Variants in SGPP2 observed in about 807,000 individuals in gnomAD.
SGPP2 encodes the protein sphingosine 1-phosphate phosphohydrolase 2.
Under a neutral mutation model 33.9 loss-of-function variants are expected in SGPP2, and 30 were observed. That is an observed-to-expected ratio of 0.89 (90% CI 0.66 to 1.20). The LOEUF is 1.20. Among genes scored for constraint, SGPP2 ranks in the 50% most tolerant of loss-of-function variants. SGPP2 has a pLI of 0.00. For missense variants in SGPP2, 458 were observed against 532.1 expected (o/e 0.86, Z 1.37); for synonymous variants, 233 against 225.0 (o/e 1.04, Z -0.32).
At chr2:222,510,331 A>G (rs1414374052) in intron 2 of SGPP2, among the ~76,000 whole-genome samples, 2 of 152,228 alleles carry the variant, frequency 1.3e-5, no homozygotes, top group African/African-American at 4.8e-5. Flanking sequence ...GCATTTGGAT[A>G]AATTAAGAAA....
At chr2:222,497,505 C>T (rs1310402966) in intron 2 of SGPP2, among the ~76,000 whole-genome samples, 2 of 152,154 alleles carry the variant, frequency 1.3e-5, no homozygotes, top group Non-Finnish European at 2.9e-5. Context: ...CCTTGGCCTC[C>T]CAAAGCACTG....
chr2:222,521,694 A>G lies in SGPP2; in HGVS notation c.379-73A>G. The G allele has an allele frequency of 2.6e-6, 4 of 1,515,514 alleles. No homozygotes were observed. In the South Asian group the frequency reaches 3.8e-5, roughly 14 times the overall value. The allele number at this position is 1,515,514 out of a possible 1,614,324, so 93.9% of individuals were successfully genotyped here. On this transcript the variant is annotated intron_variant, in intron 2 of 4. Transcript: ENST00000321276. ...ATCAACAACCTGAGAACCCCAAAAT[A>G]TATCCATGACATTTGGAAATGCATT... is the stretch of plus-strand genomic sequence containing the variant.
intron 1 of SGPP2, among the ~76,000 whole-genome samples, chr2:222,444,653 C>G (rs1273737204): frequency 2.0e-5 from 3 of 152,142 alleles, no homozygotes; most frequent in Non-Finnish European, 4.4e-5. Context: ...ATCTCTTTTT[C>G]TCAGAGTCCT....
chr2:222,536,853 G>T (rs1698923156), intron 4 of SGPP2, among the ~76,000 whole-genome samples: 1 of 152,098 alleles, frequency 6.6e-6, no homozygotes, highest in Non-Finnish European at 1.5e-5. Context: ...TTGTTAGTCT[G>T]TTCCAATAGT....
intron 4 of SGPP2, among the ~76,000 whole-genome samples, chr2:222,546,851 C>T (rs764133098): frequency 4.2e-5 from 6 of 144,216 alleles, no homozygotes; most frequent in Non-Finnish European, 9.1e-5. Context: ...AAAGAACATG[C>T]CAGAAGCTCT....
At chr2:222,513,558 G>A (rs570458320) in intron 2 of SGPP2, among the ~76,000 whole-genome samples, 1 of 152,110 alleles carries the variant, frequency 6.6e-6, no homozygotes, top group South Asian at 2.1e-4. Context: ...TGTGAACATT[G>A]CTGTTTTGGG....
intron 1 of SGPP2, among the ~76,000 whole-genome samples, chr2:222,438,517 C>T (rs1444521978): frequency 6.6e-6 from 1 of 152,214 alleles, no homozygotes; most frequent in Non-Finnish European, 1.5e-5. Flanking sequence ...CAGCTGAAGG[C>T]AAGTTGCTTC....
intron 1 of SGPP2, among the ~76,000 whole-genome samples, chr2:222,445,016 C>CT (rs1251100367): frequency 2.0e-5 from 3 of 152,222 alleles, no homozygotes; most frequent in Non-Finnish European, 4.4e-5. Context: ...AGACAGTTAA[C>CT]TGTCCAGGGA....
intron 2 of SGPP2, among the ~76,000 whole-genome samples, chr2:222,487,211 T>C (rs915573602): frequency 6.6e-6 from 1 of 152,182 alleles, no homozygotes; most frequent in African/African-American, 2.4e-5. Context: ...GGTGACCTGG[T>C]TTATAATCCA....
At chr2:222,532,743 G>A (rs1698856930) in intron 4 of SGPP2, among the ~76,000 whole-genome samples, 1 of 152,212 alleles carries the variant, frequency 6.6e-6, no homozygotes, top group Non-Finnish European at 1.5e-5. Flanking sequence ...TTCCATGCAT[G>A]GAGAAGTTTC....
At chr2:222,474,760 C>G (rs1425900186) in intron 2 of SGPP2, 34 bp downstream of exon 2, 1 of 1,522,682 alleles carries the variant, frequency 6.6e-7, no homozygotes. Flanking sequence ...ACTGATGCTA[C>G]TTCTAAAACA....
At chr2:222,543,284 C>G (rs1047601532) in intron 4 of SGPP2, among the ~76,000 whole-genome samples, 2 of 152,136 alleles carry the variant, frequency 1.3e-5, no homozygotes, top group African/African-American at 2.4e-5. Flanking sequence ...TACTCAGCAC[C>G]ATTTATTGAA....
intron 1 of SGPP2, among the ~76,000 whole-genome samples, chr2:222,462,278 G>A (rs901596797): frequency 6.6e-6 from 1 of 152,144 alleles, no homozygotes; most frequent in South Asian, 2.1e-4. Flanking sequence ...TGGGAATGGG[G>A]TCTCCATGCA....
At chr2:222,523,985 G>T (rs558100788) in intron 3 of SGPP2, among the ~76,000 whole-genome samples, 24 of 152,274 alleles carry the variant, frequency 1.6e-4, no homozygotes, top group African/African-American at 5.8e-4. Context: ...AGAAGGCATG[G>T]CCTTCAGTTC....
intron 1 of SGPP2, among the ~76,000 whole-genome samples, chr2:222,426,235 G>A (rs79023148): frequency 0.029 from 2,825 of 98,700 alleles, 86 homozygotes; most frequent in African/African-American, 0.088. Context: ...AAAAAAAAAA[G>A]ACCAAAACAA....
chr2:222,452,480 T>A, intron 1 of SGPP2: 1 of 845,362 alleles, frequency 1.2e-6, no homozygotes, highest in South Asian at 1.3e-5. Context: ...TACCTAGTTG[T>A]CTGCTTTATT....
chr2:222,452,464 C>T, intron 1 of SGPP2: 1 of 816,976 alleles, frequency 1.2e-6, no homozygotes, highest in East Asian at 2.4e-5. Flanking sequence ...TTGTGGAGTA[C>T]TAAAATACCT....
At chr2:222,500,396 G>C (rs978853456) in intron 2 of SGPP2, among the ~76,000 whole-genome samples, 1 of 152,134 alleles carries the variant, frequency 6.6e-6, no homozygotes, top group African/African-American at 2.4e-5. Flanking sequence ...GGAGTAAGTG[G>C]GGGTATTGTT....
At chr2:222,470,121 G>T (rs116303801) in intron 1 of SGPP2, among the ~76,000 whole-genome samples, 2,483 of 152,186 alleles carry the variant, frequency 0.016, 70 homozygotes, top group African/African-American at 0.056. Flanking sequence ...TCAGCGGGGT[G>T]GGGGGCAAGG....
Sources: gnomAD v4.1 joint callset for allele counts (sites outside exome capture counted in the v4.1 genomes callset) on GRCh38, gnomAD v4.1.1 for gene constraint, MANE v1.5 for transcripts, NCBI Gene and HGNC (gene_info 2026-07-23, HGNC 2026-07-21) for gene names.